Variants in RCSD1 observed in about 807,000 individuals in gnomAD.
The protein encoded by RCSD1 is RCSD domain containing 1.
Under a neutral mutation model 42.5 loss-of-function variants are expected in RCSD1, and 26 were observed. The observed-to-expected ratio is 0.61, with a 90% CI of 0.45 to 0.85. The LOEUF (loss-of-function observed/expected upper bound fraction) is 0.85. Ranked by LOEUF, RCSD1 falls within the 40% of genes least tolerant of loss-of-function variation. The pLI is 0.00. For synonymous variants in RCSD1, 220 were observed against 212.2 expected (o/e 1.04, Z -0.32); for missense variants, 571 against 528.3 (o/e 1.08, Z -0.79).
intron 1 of RCSD1, among the ~76,000 whole-genome samples, chr1:167,651,789 A>AGCATG (rs1425877995): frequency 6.6e-6 from 1 of 152,152 alleles, no homozygotes; most frequent in African/African-American, 2.4e-5. Context: ...ATACAGGGAA[A>AGCATG]GCATGGCAGG....
chr1:167,680,760 A>G (rs1277837624), intron 1 of RCSD1, among the ~76,000 whole-genome samples: 1 of 152,214 alleles, frequency 6.6e-6, no homozygotes, highest in Non-Finnish European at 1.5e-5. Flanking sequence ...GGCTTGAGCT[A>G]CTGTGCCCAG....
intron 1 of RCSD1, among the ~76,000 whole-genome samples, chr1:167,639,274 G>C (rs964564475): frequency 1.3e-5 from 2 of 152,040 alleles, no homozygotes; most frequent in Middle Eastern, 3.4e-3. Flanking sequence ...AAGGTCCTCT[G>C]ACTCCCAGCA....
chr1:167,703,300 G>A (rs931505275), intron 6 of RCSD1, among the ~76,000 whole-genome samples: 23 of 151,814 alleles, frequency 1.5e-4, no homozygotes, highest in Admixed American at 7.2e-4. Context: ...CCCACCCACC[G>A]CTCCTCCTTG....
At chr1:167,647,936 T>C (rs1658206260) in intron 1 of RCSD1, among the ~76,000 whole-genome samples, 1 of 152,232 alleles carries the variant, frequency 6.6e-6, no homozygotes, top group Admixed American at 6.5e-5. Flanking sequence ...TTCTTTTTTT[T>C]GTTCCTTGAA....
At chr1:167,631,768 G>A (rs536301215) in intron 1 of RCSD1, among the ~76,000 whole-genome samples, 2 of 152,346 alleles carry the variant, frequency 1.3e-5, no homozygotes, top group East Asian at 1.9e-4. Context: ...TTGCAGGCAT[G>A]AGCCACACCA....
chr1:167,686,286 G>A (rs1659235076), intron 3 of RCSD1, among the ~76,000 whole-genome samples: 1 of 152,150 alleles, frequency 6.6e-6, no homozygotes, highest in Non-Finnish European at 1.5e-5. Context: ...CAAAGACAAT[G>A]TCATTCCCAA....
Position 167,694,226 on chromosome 1 carries a change from G to A in RCSD1, c.398G>A (p.Arg133Lys). The change falls in exon 5 of 7, where the codon AGG (arginine) becomes AAG (lysine). Residue 133 changes from arginine to lysine, a missense_variant. Coordinates refer to ENST00000367854, the MANE Select transcript of RCSD1 (RefSeq NM_052862.4). ...STPSSPGVRS[R>K]PSEAEEVPVS... Reference sequence around the variant, plus strand: ...CCCAGCAGCCCTGGTGTGCGATCTAGGCCCAGCGAGGCAGAGGAGGTGCCT... The same window carrying A: ...CCCAGCAGCCCTGGTGTGCGATCTAAGCCCAGCGAGGCAGAGGAGGTGCCT... 1 of 1,614,212 alleles carries A rather than the reference G, an allele frequency of 6.2e-7. No individual in the cohort carries two copies. The highest frequency in any genetic ancestry group is 8.5e-7 in the Non-Finnish European group (1 of 1,180,034).
Position 167,697,511 on chromosome 1 carries a change from G to A in RCSD1, c.887G>A (p.Cys296Tyr), listed in dbSNP as rs781306680. ...QTSGPEAENR[C>Y]GSPREEKPAG... ...TCTGGCCCAGAGGCAGAAAATAGGT[G>A]TGGGAGCCCCAGGGAGGAAAAGCCA... Residue 296 changes from cysteine (C) to tyrosine (Y), a missense_variant, in exon 6 of 7, where the codon TGT becomes TAT. Coordinates refer to ENST00000367854, the MANE Select transcript of RCSD1 (RefSeq NM_052862.4). 1.1e-5 allele frequency: 17 copies of A among 1,606,962 alleles called. No individual in the cohort carries two copies. The highest frequency in any genetic ancestry group is 1.7e-5 in the Admixed American group (1 of 58,586).
At chr1:167,635,428 T>G (rs764234462) in intron 1 of RCSD1, among the ~76,000 whole-genome samples, 5 of 152,156 alleles carry the variant, frequency 3.3e-5, no homozygotes, top group Non-Finnish European at 7.4e-5. Flanking sequence ...AGTGAGACTC[T>G]AAGGGCCCAG....
intron 1 of RCSD1, among the ~76,000 whole-genome samples, chr1:167,668,828 G>C (rs139970316): frequency 1.3e-5 from 2 of 152,008 alleles, no homozygotes; most frequent in East Asian, 3.9e-4. Context: ...GGGTTTTCTG[G>C]AAGTGCCCAG....
At chr1:167,669,621 G>A (rs957207508) in intron 1 of RCSD1, among the ~76,000 whole-genome samples, 1 of 152,188 alleles carries the variant, frequency 6.6e-6, no homozygotes, top group African/African-American at 2.4e-5. Context: ...CAAATGGCCT[G>A]GCATGTACTC....
intron 1 of RCSD1, among the ~76,000 whole-genome samples, chr1:167,655,461 A>G (rs1447041813): frequency 6.6e-6 from 1 of 152,152 alleles, no homozygotes; most frequent in African/African-American, 2.4e-5. Flanking sequence ...TGTTGCTGTC[A>G]GAAAGGACAG....
At chr1:167,672,679 T>A (rs1055934246) in intron 1 of RCSD1, among the ~76,000 whole-genome samples, 3 of 152,220 alleles carry the variant, frequency 2.0e-5, no homozygotes, top group African/African-American at 7.2e-5. Context: ...TCCAGTCAGC[T>A]GACTGGCAGC....
intron 2 of RCSD1, among the ~76,000 whole-genome samples, chr1:167,685,200 G>T (rs1401663462): frequency 6.6e-6 from 1 of 152,186 alleles, no homozygotes; most frequent in East Asian, 1.9e-4. Context: ...GTCAAAATGG[G>T]TAGATGGTAA....
intron 1 of RCSD1, among the ~76,000 whole-genome samples, chr1:167,675,615 G>T (rs1658932878): frequency 6.6e-6 from 1 of 152,158 alleles, no homozygotes; most frequent in Non-Finnish European, 1.5e-5. Flanking sequence ...CCAGAGCTCT[G>T]GACAGCTGGG....
chr1:167,647,353 T>C (rs1429788647), intron 1 of RCSD1, among the ~76,000 whole-genome samples: 1 of 150,720 alleles, frequency 6.6e-6, no homozygotes, highest in Non-Finnish European at 1.5e-5. Context: ...CTTTGAAGGC[T>C]GAGGCAGGGT....
At chr1:167,642,936 T>C (rs1283903595) in intron 1 of RCSD1, among the ~76,000 whole-genome samples, 1 of 152,168 alleles carries the variant, frequency 6.6e-6, no homozygotes, top group Non-Finnish European at 1.5e-5. Context: ...TCTGCTCCCT[T>C]AAGGCTTTCT....
chr1:167,670,885 C>T (rs1229359), intron 1 of RCSD1, among the ~76,000 whole-genome samples: 29,620 of 152,078 alleles, frequency 0.19, 3,076 homozygotes, highest in Non-Finnish European at 0.21. Flanking sequence ...ACAATCTCCC[C>T]TCCACTAACC....
At chr1:167,685,273 T>C in intron 2 of RCSD1, 148 bp from the exon 3 acceptor site, 1 of 554,726 alleles carries the variant, frequency 1.8e-6, no homozygotes, top group Non-Finnish European at 3.2e-6. Flanking sequence ...TCCTCCATTC[T>C]TAAATATTCC....
Sources: allele counts gnomAD v4.1 joint callset (sites outside exome capture counted in the v4.1 genomes callset), GRCh38; gene constraint gnomAD v4.1.1; transcripts MANE v1.5; gene names NCBI Gene and HGNC (gene_info 2026-07-23, HGNC 2026-07-21).